Variants in BLVRA observed in about 807,000 individuals in gnomAD.
BLVRA encodes the protein biliverdin reductase A.
In BLVRA, 22 loss-of-function variants were observed where a neutral mutation model predicts 32.8. That is an observed-to-expected ratio of 0.67 (90% CI 0.48 to 0.96). The LOEUF (loss-of-function observed/expected upper bound fraction) is 0.96. Ranked by LOEUF, BLVRA falls within the 40% of genes least tolerant of loss-of-function variation. The pLI is 0.00. For synonymous variants in BLVRA, 119 were observed against 141.3 expected (o/e 0.84, Z 1.12); for missense variants, 323 against 358.1 (o/e 0.90, Z 0.79).
At chr7:43,781,480 G>A (rs1242289596) in intron 2 of BLVRA, among the ~76,000 whole-genome samples, 2 of 152,104 alleles carry the variant, frequency 1.3e-5, no homozygotes, top group African/African-American at 4.8e-5. Context: ...CATGTAGCGG[G>A]GATTATAGGA....
At chr7:43,760,522 T>C (rs2095741124) in intron 1 of BLVRA, among the ~76,000 whole-genome samples, 1 of 152,234 alleles carries the variant, frequency 6.6e-6, no homozygotes, top group Non-Finnish European at 1.5e-5. Flanking sequence ...TTATCAGTAG[T>C]AACAGGTTGG....
intron 5 of BLVRA, among the ~76,000 whole-genome samples, chr7:43,796,278 C>T (rs1017057604): frequency 1.3e-5 from 2 of 152,116 alleles, no homozygotes; most frequent in South Asian, 2.1e-4. Flanking sequence ...TATACTCCAA[C>T]AATCGGATAA....
intron 5 of BLVRA, among the ~76,000 whole-genome samples, chr7:43,796,135 A>G (rs1213095073): frequency 1.3e-5 from 2 of 150,706 alleles, no homozygotes; most frequent in East Asian, 1.9e-4. Context: ...AAAAAAAAAA[A>G]AAGAAAAGAA....
chr7:43,765,174 T>C (rs2095746457), intron 1 of BLVRA, among the ~76,000 whole-genome samples: 1 of 152,240 alleles, frequency 6.6e-6, no homozygotes, highest in Admixed American at 6.5e-5. Context: ...CTTTCAACTT[T>C]CTAGTGAGTC....
At chr7:43,761,379 G>A (rs945760223) in intron 1 of BLVRA, among the ~76,000 whole-genome samples, 8 of 152,208 alleles carry the variant, frequency 5.3e-5, no homozygotes, top group African/African-American at 1.9e-4. Context: ...AGAATTTTCT[G>A]TGATTATGAA....
chr7:43,789,178 G>A (rs929696205), intron 3 of BLVRA, among the ~76,000 whole-genome samples: 6 of 152,190 alleles, frequency 3.9e-5, no homozygotes, highest in Non-Finnish European at 7.3e-5. Context: ...CTAGGTGCAG[G>A]CACTGGGCTG....
At chr7:43,799,173 A>G (rs550541738) in intron 5 of BLVRA, among the ~76,000 whole-genome samples, 1 of 152,312 alleles carries the variant, frequency 6.6e-6, no homozygotes, top group African/African-American at 2.4e-5. Flanking sequence ...CACACCTGAC[A>G]TTTCTGGAGA....
At chr7:43,765,293 C>T (rs1029251861) in intron 1 of BLVRA, among the ~76,000 whole-genome samples, 1 of 152,028 alleles carries the variant, frequency 6.6e-6, no homozygotes, top group Non-Finnish European at 1.5e-5. Flanking sequence ...GCTCTGTTGC[C>T]CAAGCTGGAG....
intron 2 of BLVRA, among the ~76,000 whole-genome samples, chr7:43,781,683 T>A (rs916425882): frequency 6.6e-6 from 1 of 152,238 alleles, no homozygotes; most frequent in African/African-American, 2.4e-5. Context: ...ATCATTTATA[T>A]CTCATTCTCC....
chr7:43,780,373 A>G (rs1024674922), intron 2 of BLVRA, among the ~76,000 whole-genome samples: 2 of 152,132 alleles, frequency 1.3e-5, no homozygotes, highest in African/African-American at 4.8e-5. Context: ...GTAGTCACCA[A>G]TATTTATGTG....
Position 43,787,732 on chromosome 7 carries a change from C to T in BLVRA, c.13-172C>T, listed in dbSNP as rs1402772215. Among the ~76,000 whole-genome samples the T allele has an allele frequency of 1.3e-5, 2 of 152,204 alleles. No individual in the cohort carries two copies. The highest frequency in any genetic ancestry group is 4.8e-5 in the African/African-American group (2 of 41,452). On this transcript the variant is annotated intron_variant, in intron 2 of 7. Transcript: ENST00000265523. This position sits in a 1 kb window ranked among gnomAD's most constrained non-coding sequence, Gnocchi z 4.5. ...AGGTTTTGGCGGGACTGACTTCTCT[C>T]CAAGCCCCCATTTCGGGGACTGTCT...
chr7:43,777,206 G>T (rs2132558894), intron 2 of BLVRA, among the ~76,000 whole-genome samples: 1 of 152,136 alleles, frequency 6.6e-6, no homozygotes, highest in African/African-American at 2.4e-5. Flanking sequence ...TGGTTATTTT[G>T]CTCGTTAGTT....
chr7:43,792,797 C>G lies in BLVRA; in HGVS notation c.337C>G (p.Leu113Val). 6.2e-7 allele frequency: 1 copy of G among 1,614,086 alleles called. No homozygotes were observed. Among genetic ancestry groups the G allele is most frequent in the Non-Finnish European group, 8.5e-7 (1 of 1,179,978 alleles). ...SLAAAQELWELAEQKGKVLHE... is the reference protein window; with the variant it reads ...SLAAAQELWEVAEQKGKVLHE... ...GGCGGCCGCTCAGGAACTGTGGGAG[C>G]TGGCTGAGCAGAAAGGTAATGTATC... Residue 113 changes from leucine (L) to valine (V), a missense_variant, in exon 5 of 8, where the codon CTG (leucine) becomes GTG (valine). By Grantham distance (32) the Leu-to-Val change is conservative (BLOSUM62 1). Coordinates refer to ENST00000265523, the MANE Select transcript of BLVRA (RefSeq NM_000712.4).
chr7:43,798,586 T>C (rs1360487861), intron 5 of BLVRA, among the ~76,000 whole-genome samples: 1 of 152,230 alleles, frequency 6.6e-6, no homozygotes, highest in South Asian at 2.1e-4. Context: ...TGTCATTTTG[T>C]TATGTTTCCA....
At chr7:43,761,590 C>T (rs1284506097) in intron 1 of BLVRA, among the ~76,000 whole-genome samples, 1 of 151,964 alleles carries the variant, frequency 6.6e-6, no homozygotes, top group Non-Finnish European at 1.5e-5. Context: ...CATTGATCCC[C>T]CAAATGTTAA....
At chr7:43,795,088 G>A (rs2095790318) in intron 5 of BLVRA, among the ~76,000 whole-genome samples, 2 of 152,106 alleles carry the variant, frequency 1.3e-5, no homozygotes, top group Admixed American at 6.5e-5. Context: ...GCACGTGCCT[G>A]TAATCCCAGC....
chr7:43,793,912 G>A (rs1020780946), intron 5 of BLVRA, among the ~76,000 whole-genome samples: 5 of 150,216 alleles, frequency 3.3e-5, no homozygotes, highest in East Asian at 2.0e-4. Context: ...ATGAGTGACC[G>A]TGCCCGGCAT....
chr7:43,770,169 C>T (rs953488719), intron 1 of BLVRA, among the ~76,000 whole-genome samples: 3 of 152,180 alleles, frequency 2.0e-5, no homozygotes, highest in African/African-American at 2.4e-5. Flanking sequence ...TCATCGTCAT[C>T]GGCTTCCTGG....
intron 1 of BLVRA, among the ~76,000 whole-genome samples, chr7:43,765,499 G>T (rs997144732): frequency 1.3e-5 from 2 of 152,132 alleles, no homozygotes; most frequent in African/African-American, 2.4e-5. Flanking sequence ...TGATCCGCCC[G>T]CCTCGGCCTC....
Sources: allele counts gnomAD v4.1 joint callset (sites outside exome capture counted in the v4.1 genomes callset), GRCh38; gene constraint gnomAD v4.1.1; non-coding constraint Gnocchi (gnomAD v3.1); transcripts MANE v1.5; gene names NCBI Gene and HGNC (gene_info 2026-07-23, HGNC 2026-07-21).